WWC2: variants seen among roughly 807,000 people sequenced by gnomAD.
WWC2 encodes WW and C2 domain containing 2, also known as protein WWC2.
Under a neutral mutation model 138.5 loss-of-function variants are expected in WWC2, and 101 were observed. The ratio of observed to expected loss-of-function variants is 0.73; its 90% confidence interval spans 0.62 to 0.86. The LOEUF is 0.86. Among genes scored for constraint, WWC2 ranks in the 40% least tolerant of loss-of-function variants. The probability of loss-of-function intolerance (pLI) is 0.00; values close to 1 mark genes in which losing one functional copy is unlikely to be tolerated. For missense variants in WWC2, 1,420 were observed against 1,419.4 expected (o/e 1.00, Z -0.01); for synonymous variants, 558 against 538.4 (o/e 1.04, Z -0.50).
At position 183,260,787 on chromosome 4, in the gene WWC2, T is replaced by C. The variant is rs1580120585; in HGVS notation, c.1287-123T>C. The C allele has an allele frequency of 6.8e-6, 9 of 1,319,644 alleles. No homozygotes were observed. The East Asian group carries it at 2.3e-4, about 33-fold the overall frequency. The allele number at this position is 1,319,644 out of a possible 1,614,324, so 81.7% of individuals were successfully genotyped here. A position where few individuals can be genotyped will look rare whatever the true frequency, so the allele number is the denominator to read the frequency against. ...GTAATATAGGGAGTTCCTCTGTCCC[T>C]GGCCATTGATTCCATTCTTTAGCAG... On this transcript the variant is annotated intron_variant, in intron 10 of 22. Transcript: ENST00000403733.
chr4:183,273,158 C>T (rs573660696), intron 16 of WWC2, among the ~76,000 whole-genome samples: 2 of 151,996 alleles, frequency 1.3e-5, no homozygotes, highest in Admixed American at 1.3e-4. Context: ...GGTGTTTTCA[C>T]TGTGGCTTTG....
At chr4:183,272,191 A>G (rs916689551) in intron 16 of WWC2, among the ~76,000 whole-genome samples, 3 of 152,222 alleles carry the variant, frequency 2.0e-5, no homozygotes, top group Admixed American at 2.0e-4. Context: ...ATAATTAAAC[A>G]ACAGTGTTTT....
chr4:183,207,398 A>T (rs929985770), intron 2 of WWC2, among the ~76,000 whole-genome samples: 2 of 152,250 alleles, frequency 1.3e-5, no homozygotes, highest in African/African-American at 4.8e-5. Flanking sequence ...GAAAATGTAT[A>T]CACACAAAGA....
chr4:183,182,542 G>A (rs1291370819), intron 1 of WWC2, among the ~76,000 whole-genome samples: 1 of 152,158 alleles, frequency 6.6e-6, no homozygotes, highest in African/African-American at 2.4e-5. Context: ...TTGGCACTTA[G>A]GAGAGAAAAA....
At chr4:183,158,788 T>A (rs1250235834) in intron 1 of WWC2, among the ~76,000 whole-genome samples, 1 of 152,118 alleles carries the variant, frequency 6.6e-6, no homozygotes, top group Non-Finnish European at 1.5e-5. Flanking sequence ...CCAGTAAACA[T>A]GGCACTTTAC....
intron 17 of WWC2, 139 bp downstream of exon 17, chr4:183,281,036 G>C (rs758962588): frequency 1.3e-5 from 17 of 1,266,876 alleles, no homozygotes; most frequent in Non-Finnish European, 1.7e-5. Flanking sequence ...GCTAGGAAAA[G>C]TCTTTCCTTG....
intron 1 of WWC2, among the ~76,000 whole-genome samples, chr4:183,158,338 G>A (rs1036230241): frequency 1.3e-5 from 2 of 152,006 alleles, no homozygotes; most frequent in African/African-American, 4.8e-5. Context: ...GGGTGGCTTA[G>A]ACAACAGAAA....
chr4:183,292,150 T>G (rs1738474084), intron 21 of WWC2, among the ~76,000 whole-genome samples: 1 of 152,122 alleles, frequency 6.6e-6, no homozygotes, highest in Non-Finnish European at 1.5e-5. Context: ...GAGCTGTGAT[T>G]GCACCACTGC....
chr4:183,133,104 C>T (rs1223361708), intron 1 of WWC2, among the ~76,000 whole-genome samples: 4 of 141,194 alleles, frequency 2.8e-5, no homozygotes, highest in Non-Finnish European at 4.6e-5. Context: ...TTCCTTCTTC[C>T]CTTCCCTTTT....
intron 1 of WWC2, among the ~76,000 whole-genome samples, chr4:183,101,282 A>G (rs1189877299): frequency 2.6e-5 from 4 of 152,226 alleles, no homozygotes; most frequent in African/African-American, 7.2e-5. Flanking sequence ...GGGTAAAGTA[A>G]ATAGAAAGTG....
intron 16 of WWC2, among the ~76,000 whole-genome samples, chr4:183,272,608 C>G (rs1385458974): frequency 1.3e-5 from 2 of 152,112 alleles, no homozygotes; most frequent in Non-Finnish European, 2.9e-5. Context: ...TTCTCCCTAA[C>G]CTCTTTCCCC....
intron 17 of WWC2, among the ~76,000 whole-genome samples, chr4:183,282,158 G>T (rs565777282): frequency 7.9e-5 from 12 of 152,254 alleles, no homozygotes; most frequent in Admixed American, 3.3e-4. Flanking sequence ...TTTATATTCT[G>T]GAGCACCACT....
In WWC2 at chr4:183,207,990, G is replaced by T. The variant is rs199755523; in HGVS notation, c.279G>T (p.Arg93Ser). 1.2e-5 allele frequency: 19 copies of T among 1,613,068 alleles called. No individual in the cohort carries two copies. In the South Asian group the frequency reaches 1.7e-4, roughly 14 times the overall value. The change falls in exon 3 of 23, where the codon AGG becomes AGT. Residue 93 changes from arginine (R) to serine (S), a missense_variant. Physicochemically the swap from Arg to Ser is moderately radical, Grantham distance 110 (BLOSUM62 -1). Transcript: ENST00000403733. ...TQIEDPRKQWRGEQEKMLKDY... is the reference protein window; with the variant it reads ...TQIEDPRKQWSGEQEKMLKDY... The stretch of plus-strand genomic sequence containing the variant: ...TAGAAGATCCAAGAAAACAATGGAG[G>T]GGGGAACAGGAGAAGATGCTCAAGG...
At chr4:183,308,520 A>G (rs1485228365) in intron 21 of WWC2, among the ~76,000 whole-genome samples, 1 of 152,212 alleles carries the variant, frequency 6.6e-6, no homozygotes, top group Non-Finnish European at 1.5e-5. Flanking sequence ...AAAAATAGAC[A>G]AATCAGAACA....
At chr4:183,214,510 T>C (rs1735693215) in intron 4 of WWC2, among the ~76,000 whole-genome samples, 2 of 152,036 alleles carry the variant, frequency 1.3e-5, no homozygotes, top group East Asian at 1.9e-4. Context: ...AGAAATATGC[T>C]GGCCAGGCAC....
chr4:183,108,714 A>G (rs1197545661), intron 1 of WWC2, among the ~76,000 whole-genome samples: 1 of 151,918 alleles, frequency 6.6e-6, no homozygotes, highest in Non-Finnish European at 1.5e-5. Context: ...GGGTTCAAGC[A>G]ATTCTCCTGC....
intron 4 of WWC2, among the ~76,000 whole-genome samples, chr4:183,226,977 C>T (rs760248804): frequency 1.3e-5 from 2 of 151,956 alleles, no homozygotes; most frequent in Non-Finnish European, 1.5e-5. Flanking sequence ...GTGCATATTC[C>T]CTTCTATTGT....
At chr4:183,129,394 A>G (rs1371884372) in intron 1 of WWC2, among the ~76,000 whole-genome samples, 1 of 152,204 alleles carries the variant, frequency 6.6e-6, no homozygotes, top group Admixed American at 6.5e-5. Flanking sequence ...GGCGTGGACT[A>G]GGACTGTCTT....
chr4:183,265,774 G>T lies in WWC2; in HGVS notation c.2120+6G>T, dbSNP rs920293107. ...CAGGTTCAGATAGGACTCAGGTAAG[G>T]AATGTACGTGGGAAAGGAGCAGTTC... On this transcript the variant is annotated splice_donor_region_variant and intron_variant, in intron 13 of 22. Transcript: ENST00000403733. 6.2e-7 allele frequency: 1 copy of T among 1,610,308 alleles called. No individual in the cohort carries two copies. The highest frequency in any genetic ancestry group is 1.3e-5 in the African/African-American group (1 of 74,890).
Sources: gnomAD v4.1 joint callset for allele counts (sites outside exome capture counted in the v4.1 genomes callset) on GRCh38, gnomAD v4.1.1 for gene constraint, MANE v1.5 for transcripts, NCBI Gene and HGNC (gene_info 2026-07-23, HGNC 2026-07-21) for gene names.